FER: variants seen among roughly 807,000 people sequenced by gnomAD.
FER encodes tyrosine-protein kinase Fer.
Under a neutral mutation model 111.0 loss-of-function variants are expected in FER, and 63 were observed. That is an observed-to-expected ratio of 0.57 (90% CI 0.46 to 0.70). FER has a LOEUF of 0.70. Among genes scored for constraint, FER ranks in the 30% least tolerant of loss-of-function variants. The pLI, the probability that FER is intolerant of heterozygous loss-of-function variation, is 0.00. For missense variants in FER, 914 were observed against 954.0 expected, an observed-to-expected ratio of 0.96 and a Z score of 0.55; for synonymous variants, 327 against 313.9, an observed-to-expected ratio of 1.04 and a Z score of -0.44.
chr5:108,921,528 C>T (rs910554166), intron 10 of FER, among the ~76,000 whole-genome samples: 2 of 151,942 alleles, frequency 1.3e-5, no homozygotes, highest in Non-Finnish European at 2.9e-5. Flanking sequence ...TCTTAGAACT[C>T]GTATCAACAA....
rs1000657439 is a variant in FER, at chr5:108,764,681, G to T, written c.-205-3412G>T. On this transcript the variant is annotated intron_variant, in intron 1 of 19. Coordinates refer to ENST00000281092, the MANE Select transcript of FER (RefSeq NM_005246.4). ...CAAAGTGCTGGGATTACAGGCATGA[G>T]CCACTGCACCTGGCCGTGGAAACAT... is the stretch of plus-strand genomic sequence containing the variant. Among the ~76,000 whole-genome samples the T allele has an allele frequency of 1.0e-3, 159 of 152,324 alleles. 1 individual carries two copies. The highest frequency in any genetic ancestry group is 3.8e-3 in the African/African-American group (156 of 41,566).
intron 10 of FER, among the ~76,000 whole-genome samples, chr5:108,936,640 A>T (rs1390855042): frequency 2.6e-5 from 4 of 152,040 alleles, no homozygotes; most frequent in African/African-American, 9.7e-5. Flanking sequence ...ATTCATATTG[A>T]TAAAAATTAA....
intron 17 of FER, among the ~76,000 whole-genome samples, chr5:109,138,233 G>A (rs1188814154): frequency 6.6e-6 from 1 of 152,124 alleles, no homozygotes; most frequent in African/African-American, 2.4e-5. Context: ...CAGTGTTCAG[G>A]ATGTTTCATA....
At chr5:108,871,832 A>G (rs895705492) in intron 7 of FER, among the ~76,000 whole-genome samples, 2 of 151,990 alleles carry the variant, frequency 1.3e-5, no homozygotes, top group African/African-American at 4.8e-5. Context: ...TGCGCCAAAT[A>G]CTTTTCCATG....
At chr5:108,970,449 T>C (rs1211324484) in intron 13 of FER, among the ~76,000 whole-genome samples, 1 of 152,066 alleles carries the variant, frequency 6.6e-6, no homozygotes, top group Non-Finnish European at 1.5e-5. Context: ...CTTGATCTCC[T>C]GACCTCATGA....
Position 108,954,727 on chromosome 5 carries a change from A to G in FER, c.1330-2A>G. 6.5e-7 allele frequency: 1 copy of G among 1,530,558 alleles called. No individual in the cohort carries two copies. The highest frequency in any genetic ancestry group is 2.3e-5 in the East Asian group (1 of 42,978). 94.8% of individuals were successfully genotyped at this position (1,530,558 alleles called of 1,614,324 possible). A position where few individuals can be genotyped will look rare whatever the true frequency, so the allele number is the denominator to read the frequency against. On this transcript the variant is annotated splice_acceptor_variant, in intron 11 of 19. Transcript: ENST00000281092. LOFTEE classifies it high-confidence loss of function. The stretch of plus-strand genomic sequence containing the variant: ...GTTTTTTTTTTTTAATATTTGTTTA[A>G]GCTTTCTGATATGATCTCCATCAGT...
chr5:108,780,535 ATT>A (rs1331330403), intron 2 of FER, among the ~76,000 whole-genome samples: 1 of 150,774 alleles, frequency 6.6e-6, no homozygotes, highest in East Asian at 2.0e-4. Context: ...TTCTTTCAGG[ATT>A]TTTTCTTTAT....
intron 1 of FER, among the ~76,000 whole-genome samples, chr5:108,752,206 C>G (rs550574841): frequency 6.6e-6 from 1 of 152,116 alleles, no homozygotes; most frequent in Admixed American, 6.5e-5. Flanking sequence ...CTCCAATTTT[C>G]CCTTCCCTCC....
chr5:109,186,206 A>G lies in FER; in HGVS notation c.2210A>G (p.Tyr737Cys). ...GTTGTTGTTCCTCTTCCAGGGAGAT[A>G]CAGTTCAGAGAGTGACGTGTGGAGC... is the stretch of plus-strand genomic sequence containing the variant. ...TAPEALNYGR[Y>C]SSESDVWSFG... Residue 737 changes from tyrosine to cysteine, a missense_variant, in exon 19 of 20, where the codon TAC (tyrosine) becomes TGC (cysteine). By Grantham distance (194) the Tyr-to-Cys change is radical. Coordinates refer to ENST00000281092, the MANE Select transcript of FER (RefSeq NM_005246.4). 6.2e-7 allele frequency: 1 copy of G among 1,614,130 alleles called. No individual in the cohort carries two copies. Among genetic ancestry groups the G allele is most frequent in the Non-Finnish European group, 8.5e-7 (1 of 1,179,968 alleles).
chr5:108,759,513 C>A (rs1471278593), intron 1 of FER, among the ~76,000 whole-genome samples: 1 of 152,196 alleles, frequency 6.6e-6, no homozygotes, highest in African/African-American at 2.4e-5. Context: ...CAGTTTCTGT[C>A]TTAGTCCATT....
chr5:108,864,536 C>A (rs1342757216), intron 5 of FER, among the ~76,000 whole-genome samples: 1 of 152,164 alleles, frequency 6.6e-6, no homozygotes, highest in African/African-American at 2.4e-5. Context: ...GTCAAAAATT[C>A]TCAACTTAAG....
At chr5:108,835,031 C>CT (rs1447940195) in intron 4 of FER, among the ~76,000 whole-genome samples, 1 of 152,122 alleles carries the variant, frequency 6.6e-6, no homozygotes, top group Admixed American at 6.5e-5. Flanking sequence ...ATTCAAATGA[C>CT]TTTTTGACTA....
At chr5:109,130,116 C>T (rs999488437) in intron 17 of FER, among the ~76,000 whole-genome samples, 1 of 151,204 alleles carries the variant, frequency 6.6e-6, no homozygotes, top group Non-Finnish European at 1.5e-5. Flanking sequence ...AGTAGAAATA[C>T]CTTTATAGTT....
chr5:108,788,797 T>G (rs1755036663), intron 2 of FER, among the ~76,000 whole-genome samples: 1 of 152,226 alleles, frequency 6.6e-6, no homozygotes, highest in African/African-American at 2.4e-5. Flanking sequence ...GCTGAAACGA[T>G]TATAGTTTAC....
chr5:108,794,534 C>CCG (rs1554066087), intron 2 of FER, among the ~76,000 whole-genome samples: 4 of 124,182 alleles, frequency 3.2e-5, no homozygotes, highest in African/African-American at 1.1e-4. Context: ...GCACCCCCCC[C>CCG]CCTCCCCGCA....
intron 10 of FER, among the ~76,000 whole-genome samples, chr5:108,942,081 G>C (rs776237534): frequency 6.6e-6 from 1 of 152,042 alleles, no homozygotes; most frequent in Non-Finnish European, 1.5e-5. Context: ...ACCTAAGACT[G>C]TTCTAAAAAG....
At chr5:109,051,557 C>A in intron 16 of FER, 1 of 1,610,482 alleles carries the variant, frequency 6.2e-7, no homozygotes, top group Admixed American at 1.7e-5. Context: ...GCTTGCTTGT[C>A]GTAATTGCGG....
intron 1 of FER, chr5:108,749,003 T>C (rs1476268674): frequency 6.6e-6 from 1 of 151,780 alleles, no homozygotes; most frequent in South Asian, 2.1e-4. Context: ...GGTAGGTGCG[T>C]TTCGCGCCGC....
intron 13 of FER, among the ~76,000 whole-genome samples, chr5:109,004,205 CT>C (rs1357598120): frequency 2.0e-5 from 3 of 152,150 alleles, no homozygotes; most frequent in Non-Finnish European, 4.4e-5. Flanking sequence ...ACATTGGCTA[CT>C]TAAACATTTA....
Sources: allele counts gnomAD v4.1 joint callset (sites outside exome capture counted in the v4.1 genomes callset), GRCh38; gene constraint gnomAD v4.1.1; transcripts MANE v1.5; gene names NCBI Gene and HGNC (gene_info 2026-07-23, HGNC 2026-07-21).